Variants in ARL15 observed in about 807,000 individuals in gnomAD.
ARL15 encodes ARF like GTPase 15.
In ARL15, 19 loss-of-function variants were observed where a neutral mutation model predicts 25.2. The observed-to-expected ratio is 0.75, with a 90% CI of 0.53 to 1.10. ARL15 has a LOEUF of 1.10. ARL15 is among the 50% of genes least tolerant of loss of function. ARL15 has a pLI of 0.00. For missense variants in ARL15, 220 were observed against 246.0 expected (o/e 0.89, Z 0.71); for synonymous variants, 94 against 86.8 (o/e 1.08, Z -0.46).
chr5:54,134,472 T>C (rs1423813822), intron 3 of ARL15, among the ~76,000 whole-genome samples: 1 of 151,282 alleles, frequency 6.6e-6, no homozygotes, highest in Non-Finnish European at 1.5e-5. Flanking sequence ...ACTTCACACG[T>C]AACTCTACTA....
intron 2 of ARL15, among the ~76,000 whole-genome samples, chr5:54,164,975 G>T (rs1312589055): frequency 1.3e-5 from 2 of 151,094 alleles, no homozygotes; most frequent in Non-Finnish European, 1.5e-5. Context: ...GATTATTTTT[G>T]ATAATTCTAT....
chr5:53,898,662 C>T (rs1311717442), intron 4 of ARL15, among the ~76,000 whole-genome samples: 1 of 151,626 alleles, frequency 6.6e-6, no homozygotes, highest in Non-Finnish European at 1.5e-5. Flanking sequence ...GCCCCCCCTA[C>T]CCCCGACAGA....
intron 4 of ARL15, among the ~76,000 whole-genome samples, chr5:54,028,842 T>G (rs1749872813): frequency 6.6e-6 from 1 of 151,990 alleles, no homozygotes; most frequent in South Asian, 2.1e-4. Flanking sequence ...CACGACCCCA[T>G]CTCTACAAAT....
intron 1 of ARL15, among the ~76,000 whole-genome samples, chr5:54,188,724 C>T (rs1011869235): frequency 1.3e-5 from 2 of 152,122 alleles, no homozygotes; most frequent in Non-Finnish European, 2.9e-5. Flanking sequence ...ACAAATTCTG[C>T]ACATATTAAA....
At chr5:54,188,726 C>A (rs1755310246) in intron 1 of ARL15, among the ~76,000 whole-genome samples, 1 of 152,138 alleles carries the variant, frequency 6.6e-6, no homozygotes, top group Admixed American at 6.5e-5. Flanking sequence ...AAATTCTGCA[C>A]ATATTAAAAT....
At chr5:54,279,478 C>T (rs888484856) in intron 1 of ARL15, among the ~76,000 whole-genome samples, 7 of 152,268 alleles carry the variant, frequency 4.6e-5, no homozygotes, top group African/African-American at 1.4e-4. Context: ...GCAAGCCCTT[C>T]GGTGTCTCTT....
intron 4 of ARL15, among the ~76,000 whole-genome samples, chr5:54,015,232 C>T (rs903028347): frequency 2.7e-5 from 4 of 150,858 alleles, no homozygotes; most frequent in Non-Finnish European, 2.9e-5. Flanking sequence ...GCAGAAGTTG[C>T]GGTGAGCCAA....
intron 1 of ARL15, among the ~76,000 whole-genome samples, chr5:54,222,786 A>G (rs1756412856): frequency 6.6e-6 from 1 of 152,064 alleles, no homozygotes; most frequent in Non-Finnish European, 1.5e-5. Flanking sequence ...TCTTCCCCAC[A>G]CCTTTATCTC....
At chr5:53,992,480 G>A (rs1471658322) in intron 4 of ARL15, among the ~76,000 whole-genome samples, 1 of 152,066 alleles carries the variant, frequency 6.6e-6, no homozygotes, top group East Asian at 1.9e-4. Flanking sequence ...CAATTTTAAA[G>A]GCAATACTTT....
At chr5:53,991,567 G>T (rs1447156533) in intron 4 of ARL15, among the ~76,000 whole-genome samples, 5 of 145,212 alleles carry the variant, frequency 3.4e-5, no homozygotes, top group Non-Finnish European at 3.0e-5. Context: ...AAAAAGGGGG[G>T]GCGGGGGGCA....
At chr5:54,096,048 T>C (rs1752274063) in intron 4 of ARL15, among the ~76,000 whole-genome samples, 1 of 152,194 alleles carries the variant, frequency 6.6e-6, no homozygotes, top group South Asian at 2.1e-4. Flanking sequence ...ACTTCATTTT[T>C]GTGGACCTTA....
intron 1 of ARL15, among the ~76,000 whole-genome samples, chr5:54,279,839 C>T (rs1220707413): frequency 2.0e-5 from 3 of 152,200 alleles, no homozygotes; most frequent in Admixed American, 1.3e-4. Context: ...GATGGAAATA[C>T]CTTATTGTGC....
At chr5:54,242,936 A>G (rs1756997361) in intron 1 of ARL15, among the ~76,000 whole-genome samples, 1 of 152,244 alleles carries the variant, frequency 6.6e-6, no homozygotes, top group Non-Finnish European at 1.5e-5. Context: ...TATAGAGAAT[A>G]TAAATCAAGA....
intron 2 of ARL15, among the ~76,000 whole-genome samples, chr5:54,167,670 A>G (rs1243104999): frequency 6.6e-6 from 1 of 152,054 alleles, no homozygotes; most frequent in Non-Finnish European, 1.5e-5. Context: ...CCTGATGACC[A>G]CCCTAAACCT....
intron 4 of ARL15, among the ~76,000 whole-genome samples, chr5:53,961,614 T>A (rs1223532279): frequency 1.3e-5 from 2 of 151,560 alleles, no homozygotes; most frequent in Non-Finnish European, 2.9e-5. Flanking sequence ...CCTAATCCCA[T>A]CATCCAAATG....
intron 4 of ARL15, among the ~76,000 whole-genome samples, chr5:54,046,464 G>C (rs1479119060): frequency 6.6e-6 from 1 of 152,178 alleles, no homozygotes; most frequent in African/African-American, 2.4e-5. Flanking sequence ...CTGGGCACGA[G>C]AGCGAGACTC....
intron 1 of ARL15, chr5:54,282,428 G>T: frequency 3.0e-6 from 3 of 985,396 alleles, no homozygotes; most frequent in Non-Finnish European, 3.6e-6. Flanking sequence ...AAAATCTGCT[G>T]TATTCCAACA....
At chr5:53,946,535 C>T (rs534455552) in intron 4 of ARL15, among the ~76,000 whole-genome samples, 10 of 147,862 alleles carry the variant, frequency 6.8e-5, no homozygotes, top group South Asian at 2.2e-4. Flanking sequence ...AACTTAAAAT[C>T]GCTGTTAAAA....
intron 4 of ARL15, among the ~76,000 whole-genome samples, chr5:53,893,943 C>A (rs1357504123): frequency 6.6e-6 from 1 of 152,096 alleles, no homozygotes; most frequent in Non-Finnish European, 1.5e-5. Flanking sequence ...TAGAAAGGTA[C>A]TAAATATGTC....
Sources: allele counts gnomAD v4.1 joint callset (sites outside exome capture counted in the v4.1 genomes callset), GRCh38; gene constraint gnomAD v4.1.1; transcripts MANE v1.5; gene names NCBI Gene and HGNC (gene_info 2026-07-23, HGNC 2026-07-21).